Variants in NXPH1 observed in about 807,000 individuals in gnomAD.
NXPH1 encodes the protein neurexophilin 1, also known as neurexophilin-1.
Under a neutral mutation model 23.7 loss-of-function variants are expected in NXPH1, and 5 were observed. The observed-to-expected ratio is 0.21, with a 90% CI of 0.11 to 0.44. NXPH1 has a LOEUF of 0.44. Ranked by LOEUF, NXPH1 falls within the 20% of genes least tolerant of loss-of-function variation. NXPH1 has a pLI of 0.99. For synonymous variants in NXPH1, 144 were observed against 122.2 expected (o/e 1.18, Z -1.18); for missense variants, 324 against 321.6 (o/e 1.01, Z -0.06).
chr7:8,594,159 A>AC lies in NXPH1; in HGVS notation c.55-156848dup, dbSNP rs1167855072. Among the ~76,000 whole-genome samples, 7 of 151,978 alleles carry AC rather than the reference A, an allele frequency of 4.6e-5. No individual in the cohort carries two copies. The East Asian group carries it at 9.7e-4, about 21-fold the overall frequency. On this transcript the variant is annotated intron_variant, in intron 2 of 2. Transcript: ENST00000405863. ...ACTAGACCACCACACTCCACCCCCC[A>AC]CGTTTACTTGAATGGTAAATGTTAA...
At chr7:8,509,825 T>TTG in intron 2 of NXPH1, among the ~76,000 whole-genome samples, 1 of 152,240 alleles carries the variant, frequency 6.6e-6, no homozygotes, top group Non-Finnish European at 1.5e-5. Flanking sequence ...ATCAATGCCT[T>TTG]TGTGTGGTGA....
At chr7:8,462,583 TG>T (rs1306886125) in intron 2 of NXPH1, among the ~76,000 whole-genome samples, 2 of 152,208 alleles carry the variant, frequency 1.3e-5, no homozygotes, top group African/African-American at 4.8e-5. Context: ...CTCCACAGAC[TG>T]CTCTTAACTG....
intron 2 of NXPH1, among the ~76,000 whole-genome samples, chr7:8,545,412 A>G (rs953931807): frequency 6.6e-6 from 1 of 151,554 alleles, no homozygotes; most frequent in South Asian, 2.1e-4. Context: ...AAATAGTATT[A>G]GAAAAATGCC....
At chr7:8,639,453 C>T (rs1016482449) in intron 2 of NXPH1, among the ~76,000 whole-genome samples, 2 of 150,848 alleles carry the variant, frequency 1.3e-5, no homozygotes, top group Non-Finnish European at 2.9e-5. Context: ...TAGCTACCAT[C>T]GGTGTAAAAG....
At chr7:8,567,506 C>T (rs1365235466) in intron 2 of NXPH1, among the ~76,000 whole-genome samples, 7 of 151,922 alleles carry the variant, frequency 4.6e-5, no homozygotes, top group East Asian at 1.9e-4. Context: ...GTCAGACATA[C>T]ACCTTGTTTC....
At chr7:8,489,778 C>G (rs557290259) in intron 2 of NXPH1, among the ~76,000 whole-genome samples, 5 of 152,184 alleles carry the variant, frequency 3.3e-5, no homozygotes, top group African/African-American at 1.2e-4. Flanking sequence ...ATTCCCTTAG[C>G]TGGACATTTA....
At chr7:8,478,953 A>T (rs1200742061) in intron 2 of NXPH1, among the ~76,000 whole-genome samples, 1 of 152,098 alleles carries the variant, frequency 6.6e-6, no homozygotes, top group East Asian at 1.9e-4. Context: ...GACCCAAATA[A>T]TGTTGTTCCC....
At chr7:8,624,852 G>A (rs1016410811) in intron 2 of NXPH1, among the ~76,000 whole-genome samples, 1 of 152,040 alleles carries the variant, frequency 6.6e-6, no homozygotes, top group Non-Finnish European at 1.5e-5. Context: ...AGTAGTAGAG[G>A]GCTCCTCAGT....
At chr7:8,576,218 T>C (rs1442893431) in intron 2 of NXPH1, among the ~76,000 whole-genome samples, 1 of 152,210 alleles carries the variant, frequency 6.6e-6, no homozygotes, top group Non-Finnish European at 1.5e-5. Context: ...ATTCATTTCA[T>C]GTTTCCATAC....
chr7:8,581,956 C>T (rs1328295232), intron 2 of NXPH1, among the ~76,000 whole-genome samples: 1 of 152,162 alleles, frequency 6.6e-6, no homozygotes, highest in Non-Finnish European at 1.5e-5. Flanking sequence ...AGATCCTATA[C>T]CTGCCAAGGG....
chr7:8,740,338 T>C (rs919575118), intron 2 of NXPH1, among the ~76,000 whole-genome samples: 2 of 152,238 alleles, frequency 1.3e-5, no homozygotes, highest in Non-Finnish European at 2.9e-5. Context: ...CTTGCCATTG[T>C]TTGGATGGCA....
At chr7:8,561,866 GA>G (rs1198857499) in intron 2 of NXPH1, among the ~76,000 whole-genome samples, 21 of 151,576 alleles carry the variant, frequency 1.4e-4, no homozygotes, top group Admixed American at 1.3e-3. Flanking sequence ...ATGTTGCTGA[GA>G]AACAAAAGAA....
At chr7:8,589,885 G>A (rs1461984274) in intron 2 of NXPH1, among the ~76,000 whole-genome samples, 5 of 152,014 alleles carry the variant, frequency 3.3e-5, no homozygotes, top group South Asian at 4.1e-4. Context: ...CTAGCCACAG[G>A]TGACTCTTTA....
intron 2 of NXPH1, among the ~76,000 whole-genome samples, chr7:8,737,558 C>G (rs1402784285): frequency 1.3e-5 from 2 of 152,146 alleles, no homozygotes; most frequent in Non-Finnish European, 2.9e-5. Flanking sequence ...TCTGGCTGCC[C>G]TTAACATTTT....
rs189097753 is a variant in NXPH1 at position 8,435,688 on chromosome 7, G to A, written c.-26G>A. ...GGAACAAAGACTCAAAGAAGGCACC[G>A]CCAAGGAAGTTTGAGACGCGGGAGA... On this transcript the variant is annotated 5_prime_UTR_variant, in exon 2 of 3. Transcript: ENST00000405863. The surrounding 1 kb of genome is among the most constrained non-coding windows in gnomAD (Gnocchi z 5.9). The A allele has an allele frequency of 3.3e-4, 534 of 1,612,358 alleles. No individual in the cohort carries two copies. The highest frequency in any genetic ancestry group is 5.7e-4 in the Admixed American group (34 of 60,024).
At chr7:8,731,214 G>C (rs1018512907) in intron 2 of NXPH1, among the ~76,000 whole-genome samples, 3 of 151,892 alleles carry the variant, frequency 2.0e-5, no homozygotes, top group Admixed American at 2.0e-4. Flanking sequence ...GCACTTCTCT[G>C]TATTGATTAT....
intron 2 of NXPH1, among the ~76,000 whole-genome samples, chr7:8,661,573 G>A (rs1313245105): frequency 6.6e-6 from 1 of 152,086 alleles, no homozygotes; most frequent in East Asian, 1.9e-4. Context: ...ACCAGAAACA[G>A]AAACTAAGAA....
At chr7:8,555,600 A>G (rs1429967196) in intron 2 of NXPH1, among the ~76,000 whole-genome samples, 3 of 151,688 alleles carry the variant, frequency 2.0e-5, no homozygotes, top group Non-Finnish European at 4.4e-5. Context: ...AAAGCACACC[A>G]GGTTGTAAAA....
intron 2 of NXPH1, among the ~76,000 whole-genome samples, chr7:8,499,172 G>T (rs1817389819): frequency 1.3e-5 from 2 of 152,014 alleles, no homozygotes; most frequent in African/African-American, 4.8e-5. Context: ...CCTATACCAA[G>T]CAGGAAAGGA....
Sources: gnomAD v4.1 joint callset for allele counts (sites outside exome capture counted in the v4.1 genomes callset) on GRCh38, gnomAD v4.1.1 for gene constraint, Gnocchi (gnomAD v3.1) non-coding constraint, MANE v1.5 for transcripts, NCBI Gene and HGNC (gene_info 2026-07-23, HGNC 2026-07-21) for gene names.